HOXC5: variants seen among roughly 807,000 people sequenced by gnomAD.
HOXC5 encodes homeobox C5.
In HOXC5, 19 loss-of-function variants were observed where a neutral mutation model predicts 20.1. The ratio of observed to expected loss-of-function variants is 0.94; its 90% CI spans 0.66 to 1.38. HOXC5 has a LOEUF of 1.38. HOXC5 is among the 40% of genes most tolerant of loss of function. The pLI is 0.00. For missense variants in HOXC5, 330 were observed against 300.1 expected (o/e 1.10, Z -0.74); for synonymous variants, 124 against 117.0 (o/e 1.06, Z -0.39).
At chr12:54,031,001 G>C (rs377753939), upstream of HOXC5, among the ~76,000 whole-genome samples, 24 of 152,242 alleles carry the variant, frequency 1.6e-4, no homozygotes, top group African/African-American at 5.8e-4. Flanking sequence ...GCACTGAGGG[G>C]CTGGGAGGCC....
chr12:54,032,737 C>T (rs2630772), upstream of HOXC5: 32,458 of 160,288 alleles, frequency 0.2, 4,187 homozygotes, highest in Non-Finnish European at 0.28. Flanking sequence ...AATTCCCCCA[C>T]ATAGGCACCA....
chr12:54,031,851 G>GC (rs1941000493), upstream of HOXC5, among the ~76,000 whole-genome samples: 1 of 152,168 alleles, frequency 6.6e-6, no homozygotes, highest in African/African-American at 2.4e-5. Context: ...CTACCCAGGC[G>GC]CCTGCCCTGC....
chr12:54,024,637 A>G, the HOXC5 span, among the ~76,000 whole-genome samples: 2 of 152,202 alleles, frequency 1.3e-5, no homozygotes, highest in South Asian at 2.1e-4. Flanking sequence ...AGGCCTGCCC[A>G]CGAACTTCTT....
upstream of HOXC5, chr12:54,028,449 T>C: frequency 6.7e-7 from 1 of 1,501,152 alleles, no homozygotes; most frequent in South Asian, 1.3e-5. Context: ...TATAACCATC[T>C]AGTTCCGAGT....
chr12:54,018,922 T>G, the HOXC5 span, among the ~76,000 whole-genome samples: 2 of 152,144 alleles, frequency 1.3e-5, no homozygotes, highest in South Asian at 4.1e-4. Flanking sequence ...GATTTCCTGT[T>G]TAAACCCTGA....
chr12:54,034,403 C>G lies in HOXC5; in HGVS notation c.580C>G (p.Leu194Val). The change falls in exon 2 of 2, where the codon CTC becomes GTC. Residue 194 changes from leucine to valine, a missense_variant. Physicochemically the swap from Leu to Val is conservative, Grantham distance 32 (BLOSUM62 1). Coordinates refer to ENST00000312492, the MANE Select transcript of HOXC5 (RefSeq NM_018953.4). ...RRIEIANNLC[L>V]NERQIKIWFQ... ...CATAGAGATCGCCAACAACTTGTGT[C>G]TCAATGAGAGACAGATCAAGATCTG... 6.2e-7 allele frequency: 1 copy of G among 1,614,262 alleles called. No individual in the cohort carries two copies.
At chr12:54,031,177 C>T (rs1308556356), upstream of HOXC5, among the ~76,000 whole-genome samples, 1 of 152,252 alleles carries the variant, frequency 6.6e-6, no homozygotes. Flanking sequence ...CCCTGAGGCG[C>T]CCCGAAAGAC....
At chr12:54,024,446 G>A in the HOXC5 span, among the ~76,000 whole-genome samples, 2 of 152,182 alleles carry the variant, frequency 1.3e-5, no homozygotes, top group Admixed American at 1.3e-4. Flanking sequence ...ACAAACATCC[G>A]CGCAGAGTTA....
chr12:54,033,322 C>A lies in HOXC5; in HGVS notation c.200C>A (p.Pro67His), dbSNP rs756828003. 1.9e-6 allele frequency: 3 copies of A among 1,613,746 alleles called. No individual in the cohort carries two copies. Reference protein sequence around the residue: ...SLHGVDMAANPRAHPDRPACS... With the variant: ...SLHGVDMAANHRAHPDRPACS... The stretch of plus-strand genomic sequence containing the variant: ...CACGGGGTAGACATGGCTGCCAACC[C>A]CCGGGCTCACCCCGACCGCCCCGCC... The change falls in exon 1 of 2, where the codon CCC (proline) becomes CAC (histidine). Residue 67 changes from proline (P) to histidine (H), a missense_variant. By Grantham distance (77) the Pro-to-His change is moderately conservative (BLOSUM62 -2). Transcript: ENST00000312492.
chr12:54,027,571 TTCTC>T, the HOXC5 span, among the ~76,000 whole-genome samples: 1 of 152,216 alleles, frequency 6.6e-6, no homozygotes, highest in African/African-American at 2.4e-5. Flanking sequence ...CTCTCTCTCT[TTCTC>T]TCTGTCTTTC....
rs550225172 is a variant in HOXC5, at chr12:54,033,969, G to T, written c.455-309G>T. ...CAGCGACTCGGGAGGGGCGGGAGGG[G>T]GGTCCCCGGTGCTCGGATCTCGAGG... is the stretch of plus-strand genomic sequence containing the variant. On this transcript the variant is annotated intron_variant, in intron 1 of 1. Coordinates refer to ENST00000312492, the MANE Select transcript of HOXC5 (RefSeq NM_018953.4). The T allele has an allele frequency of 9.0e-4, 493 of 550,116 alleles. 5 individuals carry two copies. The highest frequency in any genetic ancestry group is 8.8e-3 in the African/African-American group (467 of 53,220). The allele number at this position is 550,116 out of a possible 1,614,324, so 34.1% of individuals were successfully genotyped here. A position where few individuals can be genotyped will look rare whatever the true frequency, so the allele number is the denominator to read the frequency against.
chr12:54,034,136 C>A, intron 1 of HOXC5, 142 bp from the exon 2 acceptor site: 1 of 828,008 alleles, frequency 1.2e-6, no homozygotes, highest in Admixed American at 1.9e-5. Context: ...TGGGCTGGCC[C>A]GCCTGCGGCC....
the HOXC5 span, among the ~76,000 whole-genome samples, chr12:54,024,550 C>T: frequency 6.6e-6 from 1 of 152,116 alleles, no homozygotes; most frequent in Non-Finnish European, 1.5e-5. Flanking sequence ...GATCTCATCC[C>T]TCTCACTTCA....
the HOXC5 span, among the ~76,000 whole-genome samples, chr12:54,024,655 GGTCCAGTCCCACCC>G: frequency 6.6e-6 from 1 of 152,130 alleles, no homozygotes; most frequent in South Asian, 2.1e-4. Flanking sequence ...CTTCAGGCTG[GGTCCAGTCCCACCC>G]ACCCTTTCCC....
the HOXC5 span, among the ~76,000 whole-genome samples, chr12:54,018,573 A>C: frequency 6.6e-6 from 1 of 152,222 alleles, no homozygotes; most frequent in Non-Finnish European, 1.5e-5. Flanking sequence ...ATATGGTTTC[A>C]TAACACAGTG....
the HOXC5 span, among the ~76,000 whole-genome samples, chr12:54,026,954 C>G: frequency 9.5e-6 from 1 of 104,768 alleles, no homozygotes; most frequent in South Asian, 2.7e-4. Flanking sequence ...CCCAACCCAC[C>G]CAAAAATGGT....
chr12:54,025,828 C>A, the HOXC5 span, among the ~76,000 whole-genome samples: 1 of 152,146 alleles, frequency 6.6e-6, no homozygotes, highest in Non-Finnish European at 1.5e-5. Flanking sequence ...TTTGGGGCCC[C>A]TTTCCTCTCC....
the HOXC5 span, among the ~76,000 whole-genome samples, chr12:54,024,032 A>C: frequency 6.6e-6 from 1 of 152,242 alleles, no homozygotes; most frequent in African/African-American, 2.4e-5. Context: ...ATTTCTAAAT[A>C]AAAAAGTCTA....
At chr12:54,029,419 C>CG (rs1414469876), upstream of HOXC5, among the ~76,000 whole-genome samples, 1 of 140,970 alleles carries the variant, frequency 7.1e-6, no homozygotes, top group Admixed American at 6.9e-5. Flanking sequence ...CCGCCCCCCC[C>CG]CCCACCACAC....
Sources: gnomAD v4.1 joint callset for allele counts (sites outside exome capture counted in the v4.1 genomes callset) on GRCh38, gnomAD v4.1.1 for gene constraint, MANE v1.5 for transcripts, NCBI Gene and HGNC (gene_info 2026-07-23, HGNC 2026-07-21) for gene names.